SMYD3: variants seen among roughly 807,000 people sequenced by gnomAD.
The protein encoded by SMYD3 is SET and MYND domain containing 3.
Under a neutral mutation model 57.7 loss-of-function variants are expected in SMYD3, and 36 were observed. The ratio of observed to expected loss-of-function variants is 0.62; its 90% CI spans 0.48 to 0.82. The LOEUF is 0.82. SMYD3 is among the 40% of genes least tolerant of loss of function. The pLI is 0.00. For missense variants in SMYD3, 515 were observed against 538.8 expected (o/e 0.96, Z 0.44); for synonymous variants, 211 against 195.0 (o/e 1.08, Z -0.68).
At chr1:246,110,047 A>C (rs1262376959) in intron 5 of SMYD3, among the ~76,000 whole-genome samples, 1 of 152,244 alleles carries the variant, frequency 6.6e-6, no homozygotes, top group South Asian at 2.1e-4. Flanking sequence ...ATGTCTCTTC[A>C]GTTATATTTC....
At chr1:246,243,991 A>G (rs1338163302) in intron 5 of SMYD3, among the ~76,000 whole-genome samples, 4 of 102,946 alleles carry the variant, frequency 3.9e-5, no homozygotes, top group Non-Finnish European at 8.0e-5. Flanking sequence ...GTGTATATAC[A>G]TATATATACA....
intron 1 of SMYD3, among the ~76,000 whole-genome samples, chr1:246,362,722 C>T (rs1392623998): frequency 3.3e-5 from 5 of 152,268 alleles, no homozygotes; most frequent in African/African-American, 9.6e-5. Flanking sequence ...CTCGGCCTCC[C>T]GGAGGTGCAG....
At chr1:245,883,070 T>A (rs904843570) in intron 8 of SMYD3, among the ~76,000 whole-genome samples, 1 of 152,216 alleles carries the variant, frequency 6.6e-6, no homozygotes, top group African/African-American at 2.4e-5. Flanking sequence ...TTAGCAATTT[T>A]CCATTTGAAT....
chr1:246,104,468 T>A (rs2061080127), intron 5 of SMYD3, among the ~76,000 whole-genome samples: 1 of 152,210 alleles, frequency 6.6e-6, no homozygotes, highest in Non-Finnish European at 1.5e-5. Flanking sequence ...TACAGCAATG[T>A]GACACGGCTG....
chr1:246,157,955 T>C (rs2062048941), intron 5 of SMYD3, among the ~76,000 whole-genome samples: 1 of 152,242 alleles, frequency 6.6e-6, no homozygotes, highest in Non-Finnish European at 1.5e-5. Context: ...TAAATTATTC[T>C]AATTAATGGG....
intron 5 of SMYD3, among the ~76,000 whole-genome samples, chr1:246,097,205 T>C (rs1444921229): frequency 3.9e-5 from 6 of 152,206 alleles, no homozygotes; most frequent in African/African-American, 1.4e-4. Context: ...CCTTTACATT[T>C]ATTGTTTCCT....
intron 1 of SMYD3, among the ~76,000 whole-genome samples, chr1:246,486,306 A>AT (rs2068187139): frequency 6.6e-6 from 1 of 152,206 alleles, no homozygotes; most frequent in Non-Finnish European, 1.5e-5. Flanking sequence ...CAGATATGAC[A>AT]TAAGTATTAA....
chr1:245,821,127 T>G (rs368436300), intron 10 of SMYD3, among the ~76,000 whole-genome samples: 4 of 150,036 alleles, frequency 2.7e-5, no homozygotes, highest in African/African-American at 9.7e-5. Flanking sequence ...GGAGGCATCA[T>G]GCTACCTGAC....
intron 10 of SMYD3, among the ~76,000 whole-genome samples, chr1:245,766,135 C>T (rs531696884): frequency 3.3e-5 from 5 of 151,944 alleles, no homozygotes; most frequent in African/African-American, 4.8e-5. Flanking sequence ...CTGGGCGCGG[C>T]GGCTCACACC....
intron 5 of SMYD3, among the ~76,000 whole-genome samples, chr1:246,278,282 C>T (rs1034245811): frequency 2.0e-5 from 3 of 152,180 alleles, no homozygotes; most frequent in Admixed American, 6.5e-5. Context: ...TAAGTTGGCC[C>T]CTCCCCTAAG....
intron 11 of SMYD3, among the ~76,000 whole-genome samples, chr1:245,753,132 C>T (rs1053914041): frequency 1.3e-5 from 2 of 151,982 alleles, no homozygotes; most frequent in Non-Finnish European, 2.9e-5. Context: ...CAGGGGCAAC[C>T]CTCAGGAATG....
chr1:245,932,279 C>A lies in SMYD3; in HGVS notation c.532-2342G>T, dbSNP rs1468506540. On this transcript the variant is annotated intron_variant, in intron 5 of 11. Coordinates refer to ENST00000490107, the MANE Select transcript of SMYD3 (RefSeq NM_001167740.2). ...AGGAAAAATCTTTATCAGTTTTTTT[C>A]CATCGGTTTATTTCATGGATTCTGA... is the stretch of plus-strand genomic sequence containing the variant. 3.9e-5 allele frequency among the ~76,000 whole-genome samples: 6 copies of A among 152,108 alleles called. No individual in the cohort carries two copies. The East Asian group carries it at 1.2e-3, about 29-fold the overall frequency.
At chr1:246,005,138 T>C (rs1254548609) in intron 5 of SMYD3, among the ~76,000 whole-genome samples, 2 of 152,188 alleles carry the variant, frequency 1.3e-5, no homozygotes, top group Non-Finnish European at 2.9e-5. Flanking sequence ...CATGAGCCAC[T>C]GGGACTGGCC....
chr1:246,408,171 T>C (rs1316283918), intron 1 of SMYD3, among the ~76,000 whole-genome samples: 4 of 152,098 alleles, frequency 2.6e-5, no homozygotes, highest in Admixed American at 6.6e-5. Flanking sequence ...ACACAGCATA[T>C]AAATTTTGGA....
chr1:245,840,313 G>A (rs12137129), intron 10 of SMYD3, among the ~76,000 whole-genome samples: 13,125 of 152,156 alleles, frequency 0.086, 971 homozygotes, highest in East Asian at 0.27. Flanking sequence ...TAAAACGGGT[G>A]ATTGACAAAG....
At chr1:245,861,934 C>T (rs116416100) in intron 9 of SMYD3, among the ~76,000 whole-genome samples, 3,002 of 152,204 alleles carry the variant, frequency 0.02, 100 homozygotes, top group African/African-American at 0.069. Flanking sequence ...GCACACAGTC[C>T]GTTTTCAGTA....
In SMYD3 at chr1:246,042,855, C is replaced by G. The variant is rs573916139; in HGVS notation, c.532-112918G>C. 7.2e-5 allele frequency among the ~76,000 whole-genome samples: 11 copies of G among 152,262 alleles called. No individual in the cohort carries two copies. The South Asian group carries it at 2.3e-3, about 32-fold the overall frequency. ...CAACAAAGCTTTGACCACACATTCT[C>G]TGCTATGTTTTTTACTGGAGATTAA... On this transcript the variant is annotated intron_variant, in intron 5 of 11. Transcript: ENST00000490107.
intron 5 of SMYD3, among the ~76,000 whole-genome samples, chr1:245,945,687 T>C (rs2057407271): frequency 6.6e-6 from 1 of 152,154 alleles, no homozygotes; most frequent in South Asian, 2.1e-4. Flanking sequence ...TGCAGCACTA[T>C]TCACAATAGC....
intron 5 of SMYD3, among the ~76,000 whole-genome samples, chr1:246,071,789 C>G (rs2060451414): frequency 6.7e-6 from 1 of 148,950 alleles, no homozygotes; most frequent in Admixed American, 6.7e-5. Context: ...TCCTGTAGTT[C>G]TGGGGAGGGA....
Sources: gnomAD v4.1 joint callset for allele counts (sites outside exome capture counted in the v4.1 genomes callset) on GRCh38, gnomAD v4.1.1 for gene constraint, MANE v1.5 for transcripts, NCBI Gene and HGNC (gene_info 2026-07-23, HGNC 2026-07-21) for gene names.